Variants in PSMD1 observed in about 807,000 individuals in gnomAD.
The protein encoded by PSMD1 is 26S proteasome non-ATPase regulatory subunit 1.
Under a neutral mutation model 119.0 loss-of-function variants are expected in PSMD1, and 18 were observed. The ratio of observed to expected loss-of-function variants is 0.15; its 90% confidence interval spans 0.10 to 0.22. The LOEUF is 0.22. PSMD1 is among the 10% of genes least tolerant of loss of function. The pLI is 1.00. For synonymous variants in PSMD1, 374 were observed against 396.6 expected (o/e 0.94, Z 0.68); for missense variants, 702 against 1,158.5 (o/e 0.61, Z 5.72).
chr2:231,161,280 G>C (rs75409228), intron 19 of PSMD1, 60 bp from the exon 20 acceptor site: 30,581 of 1,207,666 alleles, frequency 0.025, 1,324 homozygotes, highest in East Asian at 0.23. Flanking sequence ...CGTTATTATT[G>C]TCCTACTATA....
chr2:231,154,744 T>C (rs961226830), intron 19 of PSMD1, among the ~76,000 whole-genome samples: 1 of 152,232 alleles, frequency 6.6e-6, no homozygotes, highest in Non-Finnish European at 1.5e-5. Context: ...GCTGGGATTA[T>C]AGCTGTGAAC....
At chr2:231,142,918 A>C (rs1440384602) in intron 17 of PSMD1, among the ~76,000 whole-genome samples, 2 of 152,116 alleles carry the variant, frequency 1.3e-5, no homozygotes, top group Non-Finnish European at 2.9e-5. Flanking sequence ...TATATATGTT[A>C]AGTTTACATG....
chr2:231,075,667 C>A, intron 8 of PSMD1, 96 bp downstream of exon 8: 3 of 1,077,944 alleles, frequency 2.8e-6, no homozygotes, highest in Non-Finnish European at 4.0e-6. Context: ...ACAACCTCTG[C>A]CTCCCAGGCT....
intron 23 of PSMD1, among the ~76,000 whole-genome samples, chr2:231,167,750 A>G (rs1463997954): frequency 6.6e-6 from 1 of 152,260 alleles, no homozygotes; most frequent in Non-Finnish European, 1.5e-5. Flanking sequence ...TTTATCTGAT[A>G]AGACAGTTAC....
At chr2:231,083,299 A>G (rs1419842001) in intron 13 of PSMD1, among the ~76,000 whole-genome samples, 1 of 152,206 alleles carries the variant, frequency 6.6e-6, no homozygotes, top group Non-Finnish European at 1.5e-5. Context: ...TGTTATCTAA[A>G]TGTCTCCTTT....
intron 16 of PSMD1, among the ~76,000 whole-genome samples, chr2:231,132,109 A>G (rs1469534181): frequency 3.3e-5 from 5 of 152,162 alleles, no homozygotes; most frequent in Non-Finnish European, 7.3e-5. Context: ...ATTTTTTCTA[A>G]ACCTCATGGA....
intron 18 of PSMD1, among the ~76,000 whole-genome samples, chr2:231,149,709 C>G (rs1212096095): frequency 6.6e-6 from 1 of 152,216 alleles, no homozygotes; most frequent in African/African-American, 2.4e-5. Context: ...TATGATTTCA[C>G]AGCATAACAC....
chr2:231,140,648 C>T (rs948184405), intron 17 of PSMD1, among the ~76,000 whole-genome samples: 15 of 151,950 alleles, frequency 9.9e-5, no homozygotes, highest in African/African-American at 2.9e-4. Flanking sequence ...GAGGCCCAGG[C>T]GGTTGGATAA....
intron 16 of PSMD1, among the ~76,000 whole-genome samples, chr2:231,126,018 G>T (rs1041726915): frequency 1.2e-4 from 18 of 152,056 alleles, no homozygotes; most frequent in African/African-American, 4.3e-4. Context: ...TACTATATTA[G>T]AAAAAATACT....
intron 16 of PSMD1, chr2:231,114,006 C>T (rs1695249558): frequency 1.7e-6 from 2 of 1,152,116 alleles, no homozygotes; most frequent in Non-Finnish European, 2.6e-6. Flanking sequence ...TCAGGTGATA[C>T]ATCTTTTGTC....
chr2:231,064,497 A>G (rs1693847652), intron 4 of PSMD1, among the ~76,000 whole-genome samples: 1 of 152,244 alleles, frequency 6.6e-6, no homozygotes. Context: ...TAATCTAAGG[A>G]AAATTCCCCA....
intron 21 of PSMD1, 45 bp from the exon 22 acceptor site, chr2:231,165,155 A>G: frequency 6.8e-7 from 1 of 1,466,590 alleles, no homozygotes; most frequent in East Asian, 2.6e-5. Flanking sequence ...GCATGTTTGT[A>G]TGTCAGTAAG....
At chr2:231,127,886 ATAAAGTAACTCTTAC>A (rs907206017) in intron 16 of PSMD1, among the ~76,000 whole-genome samples, 3 of 152,244 alleles carry the variant, frequency 2.0e-5, no homozygotes, top group African/African-American at 7.2e-5. Flanking sequence ...AAAGCTTCAG[ATAAAGTAACTCTTAC>A]TAAAGTAACT....
chr2:231,072,957 CT>C (rs763051426), intron 7 of PSMD1, among the ~76,000 whole-genome samples: 4 of 152,104 alleles, frequency 2.6e-5, no homozygotes, highest in Non-Finnish European at 4.4e-5. Flanking sequence ...CGGCAGCCCC[CT>C]AGCCCGCTCT....
chr2:231,154,686 C>G (rs1696447414), intron 19 of PSMD1, among the ~76,000 whole-genome samples: 1 of 152,170 alleles, frequency 6.6e-6, no homozygotes, highest in Non-Finnish European at 1.5e-5. Context: ...TCAGGCTTGT[C>G]TTGAACTCCT....
chr2:231,138,668 A>T, intron 16 of PSMD1, 68 bp from the exon 17 acceptor site: 1 of 1,210,462 alleles, frequency 8.3e-7, no homozygotes, highest in Non-Finnish European at 1.2e-6. Flanking sequence ...CAACTTGGTT[A>T]AAACTCTTCT....
intron 16 of PSMD1, among the ~76,000 whole-genome samples, chr2:231,107,705 A>C (rs1206422722): frequency 6.6e-6 from 1 of 152,234 alleles, no homozygotes; most frequent in African/African-American, 2.4e-5. Flanking sequence ...CACTTGAGTC[A>C]CTGGACAAGC....
intron 21 of PSMD1, 29 bp from the exon 22 acceptor site, chr2:231,165,171 A>T (rs1287136665): frequency 1.3e-6 from 2 of 1,564,532 alleles, no homozygotes; most frequent in African/African-American, 2.7e-5. Flanking sequence ...GTAAGGGATT[A>T]CAACAGTTTA....
chr2:231,077,123 A>G lies in PSMD1; in HGVS notation c.1032A>G (p.Arg344=). 6.3e-7 allele frequency: 1 copy of G among 1,589,348 alleles called. No homozygotes were observed. Among genetic ancestry groups the G allele is most frequent in the Non-Finnish European group, 8.6e-7 (1 of 1,162,132 alleles). Residue 344 remains arginine, a synonymous_variant, in exon 9 of 25, where the codon CGA becomes CGG. Transcript: ENST00000308696. ...AGTTACATCTGCAGTTCTTAATACGAAACAATAATACAGACCTCATGATTC... is the reference window on the plus strand; with the variant it reads ...AGTTACATCTGCAGTTCTTAATACGGAACAATAATACAGACCTCATGATTC... The part of the protein sequence containing the change: ...AIELHLQFLI[R]NNNTDLMILK...
Sources: allele counts gnomAD v4.1 joint callset (sites outside exome capture counted in the v4.1 genomes callset), GRCh38; gene constraint gnomAD v4.1.1; transcripts MANE v1.5; gene names NCBI Gene and HGNC (gene_info 2026-07-23, HGNC 2026-07-21).